SELENOT: variants seen among roughly 807,000 people sequenced by gnomAD.
The protein encoded by SELENOT is selenoprotein T.
SELENOT carries 9 observed loss-of-function variants against 24.3 expected under a neutral mutation model. The observed-to-expected ratio is 0.37, with a 90% confidence interval of 0.22 to 0.65. The LOEUF (loss-of-function observed/expected upper bound fraction) is 0.65. SELENOT is among the 30% of genes least tolerant of loss of function. SELENOT has a pLI of 0.60. For missense variants in SELENOT, 166 were observed against 247.6 expected (o/e 0.67, Z 2.21); for synonymous variants, 81 against 86.0 (o/e 0.94, Z 0.32).
At chr3:150,614,572 T>C (rs1247077879) in intron 1 of SELENOT, 2 of 154,670 alleles carry the variant, frequency 1.3e-5, no homozygotes, top group Non-Finnish European at 2.9e-5. Context: ...TTCTCTTTCA[T>C]GGTTAGTTCA....
intron 1 of SELENOT, among the ~76,000 whole-genome samples, chr3:150,617,608 C>T (rs1726245356): frequency 6.6e-6 from 1 of 152,108 alleles, no homozygotes; most frequent in Non-Finnish European, 1.5e-5. Flanking sequence ...CCAGGACCCT[C>T]CACGTCTTAG....
chr3:150,610,006 G>T (rs1726055056), intron 1 of SELENOT, among the ~76,000 whole-genome samples: 1 of 152,186 alleles, frequency 6.6e-6, no homozygotes, highest in Admixed American at 6.5e-5. Context: ...TTACATTAGA[G>T]AATTTCATTA....
At chr3:150,620,896 T>C (rs1355984062) in intron 1 of SELENOT, among the ~76,000 whole-genome samples, 1 of 152,226 alleles carries the variant, frequency 6.6e-6, no homozygotes, top group Non-Finnish European at 1.5e-5. Flanking sequence ...AAGAAAAGAT[T>C]AATACATTTT....
chr3:150,613,646 ATTATGCAG>A (rs1726146410), intron 1 of SELENOT, among the ~76,000 whole-genome samples: 2 of 145,706 alleles, frequency 1.4e-5, no homozygotes, highest in South Asian at 4.6e-4. Context: ...TCTTCACTAA[ATTATGCAG>A]AAGATGGGAA....
intron 1 of SELENOT, among the ~76,000 whole-genome samples, chr3:150,614,133 CA>C (rs1339500201): frequency 6.6e-6 from 1 of 151,950 alleles, no homozygotes; most frequent in African/African-American, 2.4e-5. Context: ...TTATAATAAA[CA>C]TTATAAAATG....
At chr3:150,623,575 T>C (rs1726384507) in intron 3 of SELENOT, among the ~76,000 whole-genome samples, 1 of 101,536 alleles carries the variant, frequency 9.8e-6, no homozygotes, top group Non-Finnish European at 2.0e-5. Flanking sequence ...TCCCATTAAC[T>C]TGTTCTTATC....
chr3:150,615,656 C>T (rs1223446636), intron 1 of SELENOT, among the ~76,000 whole-genome samples: 9 of 152,106 alleles, frequency 5.9e-5, no homozygotes, highest in Non-Finnish European at 1.3e-4. Flanking sequence ...TGTGAAGAAC[C>T]TCTTCAAGGA....
chr3:150,603,584 A>G, intron 1 of SELENOT, 85 bp downstream of exon 1: 1 of 1,398,694 alleles, frequency 7.1e-7, no homozygotes. Context: ...TTCGCGGCCT[A>G]AATGGCCGCA....
Position 150,627,880 on chromosome 3 carries a change from A to G in SELENOT, c.*251A>G, listed in dbSNP as rs1726477141. ...AGCTTTCCCCACCTCCCACAAAATC[A>G]CCCAGTTAATGTGTGTGTGTGTTTT... On this transcript the variant is annotated 3_prime_UTR_variant, in exon 6 of 6. Coordinates refer to ENST00000471696, the MANE Select transcript of SELENOT (RefSeq NM_016275.5). 1 of 152,008 alleles carries G rather than the reference A, an allele frequency of 6.6e-6. No homozygotes were observed. The highest frequency in any genetic ancestry group is 1.5e-5 in the Non-Finnish European group (1 of 68,002). 9.4% of individuals were successfully genotyped at this position (152,008 alleles called of 1,614,324 possible).
At chr3:150,623,673 A>G (rs1726385809) in intron 3 of SELENOT, among the ~76,000 whole-genome samples, 2 of 152,060 alleles carry the variant, frequency 1.3e-5, no homozygotes, top group Admixed American at 1.3e-4. Flanking sequence ...AAACAATGTA[A>G]ATATACTTAA....
chr3:150,604,239 T>C (rs1349644802), intron 1 of SELENOT, among the ~76,000 whole-genome samples: 6 of 152,212 alleles, frequency 3.9e-5, no homozygotes, highest in Admixed American at 1.3e-4. Flanking sequence ...GTCTTGTGTA[T>C]CCAGCAGATC....
chr3:150,613,971 G>A (rs987693170), intron 1 of SELENOT, among the ~76,000 whole-genome samples: 4 of 150,024 alleles, frequency 2.7e-5, no homozygotes, highest in African/African-American at 9.7e-5. Context: ...ACATGCAGGA[G>A]AAAGCACATT....
intron 1 of SELENOT, among the ~76,000 whole-genome samples, chr3:150,621,641 G>A (rs1264881794): frequency 9.5e-6 from 1 of 105,472 alleles, no homozygotes; most frequent in Non-Finnish European, 1.9e-5. Flanking sequence ...TTTTTTGCTG[G>A]GGCAGCATCT....
intron 1 of SELENOT, among the ~76,000 whole-genome samples, chr3:150,611,004 C>CGTGTGTGTGTGTGTGTGT (rs113532087): frequency 2.3e-4 from 33 of 145,502 alleles, no homozygotes; most frequent in East Asian, 1.8e-3. Flanking sequence ...CATCATGAGT[C>CGTGTGTGTGTGTGTGTGT]GTGTGTGTGT....
rs1007696593 is a variant in SELENOT, at chr3:150,611,689, C to T, written c.137+8190C>T. On this transcript the variant is annotated intron_variant, in intron 1 of 5. Coordinates refer to ENST00000471696, the MANE Select transcript of SELENOT (RefSeq NM_016275.5). ...AAGCTGGCGTTGCCTGCTGCCCGAC[C>T]GCACCGCTCACCATCCTCCGCAGGC... 36 of 1,601,592 alleles carry T rather than the reference C, an allele frequency of 2.2e-5. 1 individual carries two copies. The highest frequency in any genetic ancestry group is 6.7e-5 in the East Asian group (3 of 44,744).
chr3:150,611,438 T>G lies in SELENOT; in HGVS notation c.137+7939T>G, dbSNP rs200261958. 3.2e-6 allele frequency: 4 copies of G among 1,261,276 alleles called. No homozygotes were observed. In the East Asian group the frequency reaches 9.3e-5, roughly 29 times the overall value. 78.1% of individuals were successfully genotyped at this position (1,261,276 alleles called of 1,614,324 possible). On this transcript the variant is annotated intron_variant, in intron 1 of 5. Transcript: ENST00000471696. Reference sequence around the variant, plus strand: ...CTGGTTGGTGGCTTTAAGTGTCTTTTGTATCTCCTAAGTGTATTTACTTGT... The same window carrying G: ...CTGGTTGGTGGCTTTAAGTGTCTTTGGTATCTCCTAAGTGTATTTACTTGT...
At chr3:150,614,401 A>G (rs1206546443) in intron 1 of SELENOT, among the ~76,000 whole-genome samples, 2 of 151,600 alleles carry the variant, frequency 1.3e-5, no homozygotes, top group Non-Finnish European at 2.9e-5. Flanking sequence ...GTGACTAGAA[A>G]TGGAGGTGGG....
chr3:150,621,614 C>CTTT (rs35489270), intron 1 of SELENOT, among the ~76,000 whole-genome samples: 3,630 of 80,500 alleles, frequency 0.045, 152 homozygotes, highest in East Asian at 0.078. Context: ...GGCATATTTC[C>CTTT]TTTTTTTTTT....
At chr3:150,616,692 CAG>C (rs1726225380) in intron 1 of SELENOT, among the ~76,000 whole-genome samples, 1 of 152,208 alleles carries the variant, frequency 6.6e-6, no homozygotes, top group Non-Finnish European at 1.5e-5. Context: ...ATTAAAAAGT[CAG>C]AAATTCATTG....
Sources: allele counts gnomAD v4.1 joint callset (sites outside exome capture counted in the v4.1 genomes callset), GRCh38; gene constraint gnomAD v4.1.1; transcripts MANE v1.5; gene names NCBI Gene and HGNC (gene_info 2026-07-23, HGNC 2026-07-21).